XYLT1: variants seen among roughly 807,000 people sequenced by gnomAD.
XYLT1 encodes beta-D-xylosyltransferase 1.
In XYLT1, 36 loss-of-function variants were observed where a neutral mutation model predicts 91.3. The ratio of observed to expected loss-of-function variants is 0.39; its 90% CI spans 0.30 to 0.52. The LOEUF is 0.52. Ranked by LOEUF, XYLT1 falls within the 20% of genes least tolerant of loss-of-function variation. The pLI is 0.68. For missense variants in XYLT1, 1,242 were observed against 1,284.5 expected (o/e 0.97, Z 0.51); for synonymous variants, 588 against 532.0 (o/e 1.11, Z -1.45).
chr16:17,308,197 A>C (rs958185991), intron 2 of XYLT1, among the ~76,000 whole-genome samples: 2 of 152,128 alleles, frequency 1.3e-5, no homozygotes, highest in African/African-American at 4.8e-5. Context: ...CACAACCCCA[A>C]CCTCCCAAGA....
At chr16:17,332,516 C>T (rs577077457) in intron 2 of XYLT1, among the ~76,000 whole-genome samples, 5 of 150,976 alleles carry the variant, frequency 3.3e-5, no homozygotes, top group East Asian at 2.0e-4. Context: ...GAGCCAAGAT[C>T]GTGCCACTGC....
intron 1 of XYLT1, among the ~76,000 whole-genome samples, chr16:17,413,272 T>C (rs1294102373): frequency 6.6e-6 from 1 of 152,164 alleles, no homozygotes; most frequent in East Asian, 1.9e-4. Flanking sequence ...GAGGGGACAC[T>C]GGGCTGGCTT....
chr16:17,449,475 A>T (rs1012922215), intron 1 of XYLT1, among the ~76,000 whole-genome samples: 1 of 152,228 alleles, frequency 6.6e-6, no homozygotes, highest in Non-Finnish European at 1.5e-5. Context: ...GCTGGTCTTC[A>T]GTCCCATCAA....
chr16:17,149,389 A>C (rs1223866423), intron 6 of XYLT1, among the ~76,000 whole-genome samples: 1 of 152,246 alleles, frequency 6.6e-6, no homozygotes, highest in Non-Finnish European at 1.5e-5. Flanking sequence ...CAAATTAAAA[A>C]AAAAACAACC....
chr16:17,269,791 C>CA (rs1325361370), intron 2 of XYLT1, among the ~76,000 whole-genome samples: 6 of 82,456 alleles, frequency 7.3e-5, no homozygotes, highest in African/African-American at 4.3e-4. Context: ...CTCCTTCTCC[C>CA]TTTATTATTA....
intron 2 of XYLT1, among the ~76,000 whole-genome samples, chr16:17,332,418 C>T (rs992476823): frequency 3.3e-5 from 5 of 152,004 alleles, no homozygotes; most frequent in Admixed American, 1.3e-4. Flanking sequence ...AAAAATTAGC[C>T]GGGCGTGGTG....
chr16:17,253,123 C>T (rs2033568520), intron 3 of XYLT1, among the ~76,000 whole-genome samples: 1 of 152,180 alleles, frequency 6.6e-6, no homozygotes, highest in Non-Finnish European at 1.5e-5. Flanking sequence ...GTAATTACAT[C>T]TTAGCTTTCT....
chr16:17,226,603 C>T (rs1004078825), intron 3 of XYLT1, among the ~76,000 whole-genome samples: 1 of 152,148 alleles, frequency 6.6e-6, no homozygotes, highest in African/African-American at 2.4e-5. Flanking sequence ...GCCTGGCCAA[C>T]GTGGCGAAAC....
chr16:17,408,870 A>C (rs8052857), intron 1 of XYLT1, among the ~76,000 whole-genome samples: 1,705 of 152,252 alleles, frequency 0.011, 28 homozygotes, highest in African/African-American at 0.039. Context: ...CAAAACAAAA[A>C]AAAAGAGTAA....
chr16:17,336,863 A>G (rs1596488968), intron 2 of XYLT1, among the ~76,000 whole-genome samples: 1 of 152,058 alleles, frequency 6.6e-6, no homozygotes, highest in South Asian at 2.1e-4. Flanking sequence ...AAAAATGCTC[A>G]CCCGCTTTCT....
intron 5 of XYLT1, among the ~76,000 whole-genome samples, chr16:17,169,669 C>T (rs1245369401): frequency 1.9e-4 from 8 of 41,228 alleles, no homozygotes; most frequent in South Asian, 1.2e-3. Context: ...GGTTGGGGGG[C>T]GGGCGGGGAG....
chr16:17,266,407 C>T (rs2033805490), intron 2 of XYLT1, among the ~76,000 whole-genome samples: 1 of 152,172 alleles, frequency 6.6e-6, no homozygotes. Flanking sequence ...TGTACTAACT[C>T]ATTTAATCTC....
chr16:17,207,920 T>A (rs2032685429), intron 3 of XYLT1, among the ~76,000 whole-genome samples: 1 of 152,180 alleles, frequency 6.6e-6, no homozygotes, highest in Admixed American at 6.5e-5. Context: ...AAATGACCCT[T>A]CCTTGGGAAG....
intron 2 of XYLT1, among the ~76,000 whole-genome samples, chr16:17,302,504 G>A (rs2034411096): frequency 6.6e-6 from 1 of 152,180 alleles, no homozygotes; most frequent in Admixed American, 6.5e-5. Context: ...GCAATGGCCT[G>A]TGTCAATTAT....
At chr16:17,298,170 A>G (rs1596471071) in intron 2 of XYLT1, among the ~76,000 whole-genome samples, 1 of 152,194 alleles carries the variant, frequency 6.6e-6, no homozygotes, top group East Asian at 1.9e-4. Flanking sequence ...CTCCCTTACA[A>G]AACAAGTCAA....
At chr16:17,177,764 A>G (rs2031976629) in intron 5 of XYLT1, among the ~76,000 whole-genome samples, 1 of 152,224 alleles carries the variant, frequency 6.6e-6, no homozygotes, top group Admixed American at 6.5e-5. Context: ...GAGTCAGTAG[A>G]AAACCAGACA....
intron 5 of XYLT1, among the ~76,000 whole-genome samples, chr16:17,177,176 T>C (rs925070987): frequency 1.3e-5 from 2 of 152,150 alleles, no homozygotes; most frequent in African/African-American, 2.4e-5. Context: ...ACCCAGTTAA[T>C]TCCTCCTCTT....
intron 1 of XYLT1, among the ~76,000 whole-genome samples, chr16:17,382,270 G>A (rs1175067214): frequency 1.3e-5 from 2 of 151,854 alleles, no homozygotes; most frequent in South Asian, 2.1e-4. Flanking sequence ...AGAGCTCCAC[G>A]GTGGGCCCAT....
intron 1 of XYLT1, among the ~76,000 whole-genome samples, chr16:17,382,603 G>A (rs936032657): frequency 6.6e-6 from 1 of 151,900 alleles, no homozygotes; most frequent in African/African-American, 2.4e-5. Context: ...AGCCAAGAGT[G>A]CAACCAGCAC....
Sources: allele counts gnomAD v4.1 joint callset (sites outside exome capture counted in the v4.1 genomes callset), GRCh38; gene constraint gnomAD v4.1.1; transcripts MANE v1.5; gene names NCBI Gene and HGNC (gene_info 2026-07-23, HGNC 2026-07-21).